ZDHHC13: variants seen among roughly 807,000 people sequenced by gnomAD.
ZDHHC13 encodes the protein zDHHC palmitoyltransferase 13, also known as palmitoyltransferase ZDHHC13.
A neutral mutation model predicts 86.0 loss-of-function variants in ZDHHC13; 85 were observed. The observed-to-expected ratio is 0.99, with a 90% CI of 0.83 to 1.18. ZDHHC13 has a LOEUF of 1.18. Among genes scored for constraint, ZDHHC13 ranks in the 50% most tolerant of loss-of-function variants. The pLI, the probability that ZDHHC13 is intolerant of heterozygous loss-of-function variation, is 0.00. For missense variants in ZDHHC13, 711 were observed against 730.2 expected (o/e 0.97, Z 0.30); for synonymous variants, 263 against 246.4 (o/e 1.07, Z -0.63).
Position 19,117,290 on chromosome 11 carries a change from G to C in ZDHHC13, c.27+14G>C. On this transcript the variant is annotated intron_variant, in intron 1 of 16. Coordinates refer to ENST00000446113, the MANE Select transcript of ZDHHC13 (RefSeq NM_019028.3). The surrounding 1 kb of genome is among the most constrained non-coding windows in gnomAD (Gnocchi z 4.2). ...CTGGGCTCGCAGGTGAGTGCGGCCG[G>C]GCGGTGGCTGTCCTGGGGGCCGGGA... 1 of 1,473,884 alleles carries C rather than the reference G, an allele frequency of 6.8e-7. No individual in the cohort carries two copies. Among genetic ancestry groups the C allele is most frequent in the Non-Finnish European group, 9.0e-7 (1 of 1,111,754 alleles). The allele number at this position is 1,473,884 out of a possible 1,614,324, so 91.3% of individuals were successfully genotyped here.
chr11:19,158,038 G>T (rs1849806109), intron 9 of ZDHHC13, among the ~76,000 whole-genome samples: 1 of 152,150 alleles, frequency 6.6e-6, no homozygotes, highest in African/African-American at 2.4e-5. Context: ...TTTGCTGCAA[G>T]ATCTCCGACA....
chr11:19,175,389 C>CAAAAAAAAAAAAAA lies in ZDHHC13; in HGVS notation c.1731-418_1731-405dup, dbSNP rs58806796. Among the ~76,000 whole-genome samples, 478 of 56,366 alleles carry CAAAAAAAAAAAAAA rather than the reference C, an allele frequency of 8.5e-3. 81 individuals are homozygous for CAAAAAAAAAAAAAA. Among genetic ancestry groups the CAAAAAAAAAAAAAA allele is most frequent in the Non-Finnish European group, 0.012 (378 of 31,332 alleles). The allele number at this position is 56,366 out of a possible 152,430, so 37.0% of individuals were successfully genotyped here. On this transcript the variant is annotated intron_variant, in intron 16 of 16. Coordinates refer to ENST00000446113, the MANE Select transcript of ZDHHC13 (RefSeq NM_019028.3). Reference sequence around the variant, plus strand: ...TGGGTGACAGAGCGAGACTCCGTCTCAAAAAAAAAAAAAAAAAAAAAAAAA... The same window carrying CAAAAAAAAAAAAAA: ...TGGGTGACAGAGCGAGACTCCGTCTCAAAAAAAAAAAAAAAAAAAAAAAAAAAAAAAAAAAAAAA...
At chr11:19,155,588 A>G (rs1481896293) in intron 8 of ZDHHC13, among the ~76,000 whole-genome samples, 2 of 151,976 alleles carry the variant, frequency 1.3e-5, no homozygotes. Flanking sequence ...TCTCAAAAAA[A>G]AAAAAAAAAA....
At chr11:19,133,560 A>G (rs925443871) in intron 1 of ZDHHC13, among the ~76,000 whole-genome samples, 1 of 152,168 alleles carries the variant, frequency 6.6e-6, no homozygotes, top group East Asian at 1.9e-4. Flanking sequence ...GTTATACAGC[A>G]ATGAAAATGA....
At chr11:19,130,248 TTA>T (rs1848966137) in intron 1 of ZDHHC13, among the ~76,000 whole-genome samples, 1 of 152,196 alleles carries the variant, frequency 6.6e-6, no homozygotes, top group African/African-American at 2.4e-5. Context: ...TTAATAGATA[TTA>T]TGTTATTTAT....
intron 1 of ZDHHC13, among the ~76,000 whole-genome samples, chr11:19,136,424 G>A (rs2133384336): frequency 6.6e-6 from 1 of 152,302 alleles, no homozygotes; most frequent in South Asian, 2.1e-4. Context: ...GGGACTATGT[G>A]AAAAGACCAA....
At chr11:19,169,914 T>C in intron 14 of ZDHHC13, 1 of 987,538 alleles carries the variant, frequency 1.0e-6, no homozygotes, top group Non-Finnish European at 1.2e-6. Flanking sequence ...TGCAGAAGTA[T>C]ACCCATGCCC....
intron 1 of ZDHHC13, among the ~76,000 whole-genome samples, chr11:19,138,043 G>A (rs1311894400): frequency 2.8e-4 from 43 of 151,218 alleles, no homozygotes; most frequent in African/African-American, 1.0e-3. Flanking sequence ...CTAGCAGAAG[G>A]CAAGAAATAA....
At chr11:19,140,683 T>C (rs961336560) in intron 1 of ZDHHC13, among the ~76,000 whole-genome samples, 13 of 151,998 alleles carry the variant, frequency 8.6e-5, no homozygotes, top group African/African-American at 2.9e-4. Context: ...CCAACAATGA[T>C]AGACTGGATT....
chr11:19,141,099 G>A (rs1218940579), intron 1 of ZDHHC13, among the ~76,000 whole-genome samples: 1 of 151,326 alleles, frequency 6.6e-6, no homozygotes, highest in Non-Finnish European at 1.5e-5. Context: ...AAAAAGTACT[G>A]ATTCAGGGAG....
At chr11:19,149,078 T>C in intron 4 of ZDHHC13, 109 bp from the exon 5 acceptor site, 1 of 1,026,756 alleles carries the variant, frequency 9.7e-7, no homozygotes, top group Non-Finnish European at 1.3e-6. Context: ...TGTTAGGAAA[T>C]ATTTTTTATA....
intron 16 of ZDHHC13, among the ~76,000 whole-genome samples, chr11:19,174,489 C>A (rs932542815): frequency 6.6e-6 from 1 of 152,244 alleles, no homozygotes; most frequent in Middle Eastern, 3.2e-3. Flanking sequence ...TTACTGGCAG[C>A]AATGCCATCA....
Position 19,149,224 on chromosome 11 carries a change from C to T in ZDHHC13, c.412C>T (p.His138Tyr), listed in dbSNP as rs868658849. The change falls in exon 5 of 17, where the codon CAT becomes TAT. Residue 138 changes from histidine (H) to tyrosine (Y), a missense_variant. Transcript: ENST00000446113. The part of the protein sequence containing the change: ...HLPMVILLLQ[H>Y]GADPTLIDGE... ...ACCTATGGTCATATTATTACTCCAG[C>T]ATGGTGCAGACCCCACTCTTATTGA... is the stretch of plus-strand genomic sequence containing the variant. 6.2e-7 allele frequency: 1 copy of T among 1,601,960 alleles called. No individual in the cohort carries two copies. The highest frequency in any genetic ancestry group is 1.7e-4 in the Middle Eastern group (1 of 6,032).
chr11:19,131,687 T>TC (rs1448796467), intron 1 of ZDHHC13, among the ~76,000 whole-genome samples: 1 of 151,960 alleles, frequency 6.6e-6, no homozygotes, highest in African/African-American at 2.4e-5. Context: ...CCCAGGCTGG[T>TC]GTGCAGTGGT....
At position 19,158,902 on chromosome 11, in the gene ZDHHC13, G is replaced by A. The variant is rs1402840490; in HGVS notation, c.1008-38G>A. 8 of 1,345,704 alleles carry A rather than the reference G, an allele frequency of 5.9e-6. No individual in the cohort carries two copies. In the Admixed American group the frequency reaches 1.0e-4, roughly 17 times the overall value. 83.4% of individuals were successfully genotyped at this position (1,345,704 alleles called of 1,614,324 possible). On this transcript the variant is annotated intron_variant, in intron 9 of 16. Transcript: ENST00000446113. Reference sequence around the variant, plus strand: ...AAATTTAGAACTAAAATTAATACAAGTCATACTAATAACTTATATTTATCT... The same window carrying A: ...AAATTTAGAACTAAAATTAATACAAATCATACTAATAACTTATATTTATCT...
In ZDHHC13 at chr11:19,139,759, C is replaced by T. The variant is rs1283221745; in HGVS notation, c.28-3219C>T. Among the ~76,000 whole-genome samples the T allele has an allele frequency of 1.3e-4, 17 of 133,040 alleles. No homozygotes were observed. In the South Asian group the frequency reaches 3.2e-3, roughly 25 times the overall value. The allele number at this position is 133,040 out of a possible 152,430, so 87.3% of individuals were successfully genotyped here. ...AGAACAGAGCCCTCAGAAATAACGC[C>T]GCATATCTACAACTATCTGATCTTT... On this transcript the variant is annotated intron_variant, in intron 1 of 16. Transcript: ENST00000446113.
Position 19,163,351 on chromosome 11 carries a change from C to G in ZDHHC13, c.1157C>G (p.Ala386Gly). Residue 386 changes from alanine (A) to glycine (G), a missense_variant, in exon 11 of 17, where the codon GCC becomes GGC. By Grantham distance (60) the Ala-to-Gly change is moderately conservative (BLOSUM62 0). Transcript: ENST00000446113. ...FYFSFIFSIV[A>G]FLYFFYKTWA... ...TTCAGTTTCATTTTCAGCATAGTAG[C>G]CTTTCTATACTTTTTCTATAAGACT... 6.2e-7 allele frequency: 1 copy of G among 1,604,262 alleles called. No homozygotes were observed. The highest frequency in any genetic ancestry group is 8.5e-7 in the Non-Finnish European group (1 of 1,175,444).
intron 9 of ZDHHC13, among the ~76,000 whole-genome samples, chr11:19,156,600 C>T (rs1286661432): frequency 1.3e-5 from 2 of 151,968 alleles, no homozygotes; most frequent in Non-Finnish European, 2.9e-5. Flanking sequence ...ATCATATCAC[C>T]CCCCATCTCT....
chr11:19,167,526 A>G (rs138864877), intron 14 of ZDHHC13: 62 of 152,252 alleles, frequency 4.1e-4, no homozygotes, highest in African/African-American at 1.3e-3. Flanking sequence ...TTTCATTTTT[A>G]GAGATTATTA....
Sources: gnomAD v4.1 joint callset for allele counts (sites outside exome capture counted in the v4.1 genomes callset) on GRCh38, gnomAD v4.1.1 for gene constraint, Gnocchi (gnomAD v3.1) non-coding constraint, MANE v1.5 for transcripts, NCBI Gene and HGNC (gene_info 2026-07-23, HGNC 2026-07-21) for gene names.